Variants in ARG2 observed in about 807,000 individuals in gnomAD.
ARG2 encodes arginase 2, also known as arginase-2, mitochondrial.
In ARG2, 21 loss-of-function variants were observed where a neutral mutation model predicts 39.4. The ratio of observed to expected loss-of-function variants is 0.53; its 90% CI spans 0.38 to 0.77. ARG2 has a LOEUF of 0.77. ARG2 is among the 30% of genes least tolerant of loss of function. ARG2 has a pLI of 0.00. For missense variants in ARG2, 378 were observed against 426.2 expected, an observed-to-expected ratio of 0.89 and a Z score of 1.00; for synonymous variants, 150 against 156.7, an observed-to-expected ratio of 0.96 and a Z score of 0.32.
rs867264661 is a variant in ARG2, at chr14:67,621,981, C to T, written c.184+1015C>T. ...GCATAGTGGCATGCACCTGTAGTCC[C>T]AGCTACTCAGGAGCCTGAGACAGAA... is the stretch of plus-strand genomic sequence containing the variant. On this transcript the variant is annotated intron_variant, in intron 2 of 7. Coordinates refer to ENST00000261783, the MANE Select transcript of ARG2 (RefSeq NM_001172.4). 3.9e-5 allele frequency among the ~76,000 whole-genome samples: 6 copies of T among 152,012 alleles called. No homozygotes were observed. The South Asian group carries it at 1.2e-3, about 32-fold the overall frequency.
intron 2 of ARG2, among the ~76,000 whole-genome samples, chr14:67,629,315 G>C (rs892748546): frequency 6.6e-6 from 1 of 152,198 alleles, no homozygotes; most frequent in Admixed American, 6.5e-5. Context: ...CAGTCTGGCA[G>C]CATGGACAAC....
rs755306278 is a variant in ARG2 at position 67,651,516 on chromosome 14, G to A, written c.*596G>A. The A allele has an allele frequency of 1.7e-5, 28 of 1,609,626 alleles. No individual in the cohort carries two copies. The South Asian group carries it at 3.1e-4, about 18-fold the overall frequency. On this transcript the variant is annotated 3_prime_UTR_variant, in exon 8 of 8. Coordinates refer to ENST00000261783, the MANE Select transcript of ARG2 (RefSeq NM_001172.4). ...GAAGCAAAGTGGGGAGTAGTCAGAAGTTTGGATAACCTTCCTTCTAAACAT... is the reference window on the plus strand; with the variant it reads ...GAAGCAAAGTGGGGAGTAGTCAGAAATTTGGATAACCTTCCTTCTAAACAT...
chr14:67,621,194 T>G (rs139116905), intron 2 of ARG2, among the ~76,000 whole-genome samples: 96 of 152,258 alleles, frequency 6.3e-4, no homozygotes, highest in Non-Finnish European at 1.1e-3. Flanking sequence ...AGGCAAGGTC[T>G]GAACAGCTGT....
chr14:67,622,438 G>T (rs1250768979), intron 2 of ARG2, among the ~76,000 whole-genome samples: 1 of 152,128 alleles, frequency 6.6e-6, no homozygotes, highest in African/African-American at 2.4e-5. Context: ...ATGGTGACAT[G>T]GATTCAATAT....
chr14:67,629,245 A>G (rs1378061208), intron 2 of ARG2, among the ~76,000 whole-genome samples: 1 of 152,184 alleles, frequency 6.6e-6, no homozygotes, highest in East Asian at 1.9e-4. Context: ...CTGAGGCAGG[A>G]GTATTGCTTG....
rs948067035 is a variant in ARG2, at chr14:67,651,546, G to C, written c.*626G>C. The C allele has an allele frequency of 1.0e-5, 16 of 1,573,050 alleles. No individual in the cohort carries two copies. The highest frequency in any genetic ancestry group is 1.3e-5 in the Non-Finnish European group (15 of 1,156,280). On this transcript the variant is annotated 3_prime_UTR_variant, in exon 8 of 8. Transcript: ENST00000261783. ...GATAACCTTCCTTCTAAACATTTTG[G>C]GGTTAGACCTGGGACCACGGCTGGA... is the stretch of plus-strand genomic sequence containing the variant.
chr14:67,620,770 C>A, intron 1 of ARG2, 124 bp from the exon 2 acceptor site: 1 of 863,672 alleles, frequency 1.2e-6, no homozygotes, highest in Non-Finnish European at 1.9e-6. Flanking sequence ...GAAGGACAGT[C>A]ATTGATGGAA....
At chr14:67,640,911 G>A (rs1385026314) in intron 2 of ARG2, among the ~76,000 whole-genome samples, 3 of 152,164 alleles carry the variant, frequency 2.0e-5, no homozygotes, top group African/African-American at 4.8e-5. Context: ...ATCCAAAATC[G>A]GAAATGTTCC....
At position 67,651,695 on chromosome 14, in the gene ARG2, C is replaced by A; in HGVS notation, c.*775C>A. The stretch of plus-strand genomic sequence containing the variant: ...AAATGTTAAACTGAGACAATAAAAA[C>A]CAAAGCATAAAAATGGATTCTGAAA... On this transcript the variant is annotated 3_prime_UTR_variant, in exon 8 of 8. Transcript: ENST00000261783. 5 of 404,346 alleles carry A rather than the reference C, an allele frequency of 1.2e-5. No individual in the cohort carries two copies. The highest frequency in any genetic ancestry group is 1.7e-5 in the Non-Finnish European group (4 of 230,752). The allele number at this position is 404,346 out of a possible 1,614,324, so 25.0% of individuals were successfully genotyped here.
intron 1 of ARG2, 150 bp from the exon 2 acceptor site, chr14:67,620,744 T>A: frequency 1.4e-6 from 1 of 719,044 alleles, no homozygotes; most frequent in Non-Finnish European, 2.3e-6. Context: ...CTGATGTGAT[T>A]CCAACAATGG....
At chr14:67,646,580 ATGATAATGATCT>A (rs748751206) in intron 4 of ARG2, 52 bp from the exon 5 acceptor site, 6 of 1,354,150 alleles carry the variant, frequency 4.4e-6, no homozygotes, top group Non-Finnish European at 6.3e-6. Flanking sequence ...ACGGACGCAC[ATGATAATGATCT>A]TGGTGAGAAC....
At chr14:67,632,804 CTT>C (rs908806237) in intron 2 of ARG2, among the ~76,000 whole-genome samples, 44 of 126,368 alleles carry the variant, frequency 3.5e-4, no homozygotes, top group Non-Finnish European at 6.3e-4. Context: ...AATTAAGCCT[CTT>C]AATTTTTTTT....
intron 2 of ARG2, among the ~76,000 whole-genome samples, chr14:67,625,060 T>C (rs2036849001): frequency 6.6e-6 from 1 of 152,030 alleles, no homozygotes; most frequent in South Asian, 2.1e-4. Context: ...TTTCCTAAAA[T>C]TGTCCATTCA....
At chr14:67,646,590 T>C (rs2037101388) in intron 4 of ARG2, 54 bp from the exon 5 acceptor site, 1 of 1,419,404 alleles carries the variant, frequency 7.0e-7, no homozygotes, top group Admixed American at 1.7e-5. Flanking sequence ...ATGATAATGA[T>C]CTTGGTGAGA....
At chr14:67,621,170 A>G (rs2140701920) in intron 2 of ARG2, among the ~76,000 whole-genome samples, 1 of 152,292 alleles carries the variant, frequency 6.6e-6, no homozygotes, top group Non-Finnish European at 1.5e-5. Flanking sequence ...GTTGGAAGGC[A>G]AGGAGGTAGA....
chr14:67,621,298 G>T (rs915117434), intron 2 of ARG2, among the ~76,000 whole-genome samples: 2 of 152,124 alleles, frequency 1.3e-5, no homozygotes, highest in Non-Finnish European at 2.9e-5. Context: ...ACTCCATCTT[G>T]AGATGCTTAT....
Position 67,651,179 on chromosome 14 carries a change from C to A in ARG2, c.*259C>A, listed in dbSNP as rs1395508951. On this transcript the variant is annotated 3_prime_UTR_variant, in exon 8 of 8. Transcript: ENST00000261783. Reference sequence around the variant, plus strand: ...AGAAGTCATAAACAGCATTTATTACCTTGGTATATCATACTGGTCTTGTTG... The same window carrying A: ...AGAAGTCATAAACAGCATTTATTACATTGGTATATCATACTGGTCTTGTTG... 2.9e-6 allele frequency: 3 copies of A among 1,028,456 alleles called. No individual in the cohort carries two copies. The highest frequency in any genetic ancestry group is 6.4e-4 in the Middle Eastern group (2 of 3,148). 63.7% of individuals were successfully genotyped at this position (1,028,456 alleles called of 1,614,324 possible). A position where few individuals can be genotyped will look rare whatever the true frequency, so the allele number is the denominator to read the frequency against.
intron 2 of ARG2, among the ~76,000 whole-genome samples, chr14:67,638,234 T>C (rs1226959281): frequency 6.6e-6 from 1 of 152,078 alleles, no homozygotes; most frequent in Non-Finnish European, 1.5e-5. Flanking sequence ...GTATTATGCC[T>C]ATAACTAGCC....
intron 2 of ARG2, among the ~76,000 whole-genome samples, chr14:67,621,377 G>A (rs1484536702): frequency 6.6e-6 from 1 of 151,952 alleles, no homozygotes; most frequent in African/African-American, 2.4e-5. Context: ...CTTTATTACT[G>A]GAAGCAGTAA....
Sources: allele counts gnomAD v4.1 joint callset (sites outside exome capture counted in the v4.1 genomes callset), GRCh38; gene constraint gnomAD v4.1.1; transcripts MANE v1.5; gene names NCBI Gene and HGNC (gene_info 2026-07-23, HGNC 2026-07-21).